The following BIN3 variants were observed in gnomAD, a reference collection of about 807,000 sequenced individuals.
BIN3 encodes bridging integrator 3.
In BIN3, 41 loss-of-function variants were observed where a neutral mutation model predicts 38.2. That is an observed-to-expected ratio of 1.07 (90% CI 0.84 to 1.39). BIN3 has a LOEUF of 1.39. Ranked by LOEUF, BIN3 falls within the 40% of genes most tolerant of loss-of-function variation. The pLI, the probability that BIN3 is intolerant of heterozygous loss-of-function variation, is 0.00. For missense variants in BIN3, 361 were observed against 324.3 expected (o/e 1.11, Z -0.87); for synonymous variants, 145 against 122.6 (o/e 1.18, Z -1.21).
chr8:22,642,299 G>C (rs1044667398), intron 2 of BIN3, among the ~76,000 whole-genome samples: 5 of 134,580 alleles, frequency 3.7e-5, no homozygotes, highest in African/African-American at 1.1e-4. Flanking sequence ...CAGAGATGCT[G>C]AGACAACTGC....
rs2117487214 is a variant in BIN3 at position 22,621,491 on chromosome 8, C to G, written c.693G>C (p.Glu231Asp). The G allele has an allele frequency of 1.2e-6, 2 of 1,613,966 alleles. No homozygotes were observed. The highest frequency in any genetic ancestry group is 1.6e-4 in the Middle Eastern group (1 of 6,062). ...HQLDQPGHSDEQRERENEAKL... is the reference protein window; with the variant it reads ...HQLDQPGHSDDQRERENEAKL... ...TGGCCTCGTTCTCCCGCTCCCGCTGCTCATCGGAGTGGCCTGGCTGGTCAA... is the reference window on the plus strand; with the variant it reads ...TGGCCTCGTTCTCCCGCTCCCGCTGGTCATCGGAGTGGCCTGGCTGGTCAA... Residue 231 changes from glutamate (E) to aspartate (D), a missense_variant, in exon 9 of 9, where the codon GAG becomes GAC. By Grantham distance (45) the Glu-to-Asp change is conservative (BLOSUM62 2). Transcript: ENST00000276416.
At chr8:22,658,070 C>A (rs1009533862) in intron 1 of BIN3, among the ~76,000 whole-genome samples, 1 of 152,238 alleles carries the variant, frequency 6.6e-6, no homozygotes, top group Non-Finnish European at 1.5e-5. Flanking sequence ...CTCCCCAGAG[C>A]GTCTCTGAGT....
intron 6 of BIN3, chr8:22,624,991 T>C: frequency 3.1e-6 from 1 of 317,564 alleles, no homozygotes; most frequent in Non-Finnish European, 5.9e-6. Flanking sequence ...GGGCACCTTC[T>C]CCTTCAAGGG....
chr8:22,621,120 G>A lies in BIN3; in HGVS notation c.*302C>T. ...CCCAACTTAGCCAACGAAGCCCATG[G>A]CCTCAGAAGGGCTGCAGCTTGCTCA... On this transcript the variant is annotated 3_prime_UTR_variant, in exon 9 of 9. Coordinates refer to ENST00000276416, the MANE Select transcript of BIN3 (RefSeq NM_018688.6). 3.0e-6 allele frequency: 1 copy of A among 332,052 alleles called. No individual in the cohort carries two copies. The allele number at this position is 332,052 out of a possible 1,614,324, so 20.6% of individuals were successfully genotyped here.
intron 1 of BIN3, among the ~76,000 whole-genome samples, chr8:22,655,091 A>G (rs369663772): frequency 5.3e-5 from 8 of 152,158 alleles, no homozygotes; most frequent in East Asian, 1.9e-4. Flanking sequence ...GTTCATTTGT[A>G]TATCTTTGGA....
intron 6 of BIN3, among the ~76,000 whole-genome samples, chr8:22,627,267 C>A (rs936609635): frequency 6.6e-5 from 10 of 152,310 alleles, no homozygotes; most frequent in African/African-American, 2.4e-4. Flanking sequence ...TGGGAACTCA[C>A]ATCAGTCAGG....
At chr8:22,634,566 T>C (rs762871808) in intron 4 of BIN3, 2 of 455,838 alleles carry the variant, frequency 4.4e-6, no homozygotes, top group South Asian at 3.1e-5. Flanking sequence ...CTGCCTCTAT[T>C]GGGACATTTC....
At chr8:22,624,099 A>G in intron 7 of BIN3, 50 bp from the exon 8 acceptor site, 1 of 1,223,124 alleles carries the variant, frequency 8.2e-7, no homozygotes. Context: ...TGGGTGCCGG[A>G]TACGGGATGG....
intron 6 of BIN3, among the ~76,000 whole-genome samples, chr8:22,627,930 C>T (rs183919973): frequency 6.6e-6 from 1 of 152,350 alleles, no homozygotes; most frequent in East Asian, 1.9e-4. Flanking sequence ...TTACATTTAT[C>T]CTCAAAGAAG....
At chr8:22,660,484 G>A (rs549695517) in intron 1 of BIN3, among the ~76,000 whole-genome samples, 1 of 152,300 alleles carries the variant, frequency 6.6e-6, no homozygotes, top group East Asian at 1.9e-4. Context: ...ATTATAAAGA[G>A]CTCTCACACT....
At chr8:22,630,328 G>A in intron 5 of BIN3, 114 bp downstream of exon 5, 3 of 1,432,106 alleles carry the variant, frequency 2.1e-6, no homozygotes, top group African/African-American at 1.4e-5. Context: ...GAGGCCAGAG[G>A]GCTTAGAGCC....
intron 1 of BIN3, among the ~76,000 whole-genome samples, chr8:22,665,747 G>C (rs1441874985): frequency 1.3e-5 from 2 of 152,200 alleles, no homozygotes; most frequent in African/African-American, 4.8e-5. Context: ...CCCAGAGTTG[G>C]GCCTCTATCC....
chr8:22,648,461 T>C (rs1433825740), intron 1 of BIN3, among the ~76,000 whole-genome samples: 1 of 152,084 alleles, frequency 6.6e-6, no homozygotes. Context: ...TGGTCAGGCA[T>C]TTTACAGAAT....
intron 7 of BIN3, 41 bp from the exon 8 acceptor site, chr8:22,624,090 G>C: frequency 1.2e-6 from 2 of 1,605,870 alleles, no homozygotes; most frequent in Non-Finnish European, 8.5e-7. Context: ...TCTCACTGCT[G>C]GGTGCCGGAT....
chr8:22,623,025 G>A lies in BIN3; in HGVS notation c.615+890C>T, dbSNP rs1296920204. 2.6e-5 allele frequency among the ~76,000 whole-genome samples: 4 copies of A among 152,200 alleles called. No individual in the cohort carries two copies. In the South Asian group the frequency reaches 6.2e-4, roughly 24 times the overall value. On this transcript the variant is annotated intron_variant, in intron 8 of 8. Coordinates refer to ENST00000276416, the MANE Select transcript of BIN3 (RefSeq NM_018688.6). ...GGCCAGGCTTCACGGCTGCGACTAC[G>A]GGCCTGCAGGAAATGGCCACTGGAG...
intron 4 of BIN3, among the ~76,000 whole-genome samples, chr8:22,635,131 C>T (rs954453004): frequency 6.6e-6 from 1 of 152,196 alleles, no homozygotes; most frequent in Admixed American, 6.5e-5. Flanking sequence ...AGGCCCTCTT[C>T]CCTTGGCTCT....
chr8:22,644,709 T>C (rs771939022), intron 2 of BIN3, 46 bp downstream of exon 2: 3 of 1,578,896 alleles, frequency 1.9e-6, no homozygotes, highest in Non-Finnish European at 2.6e-6. Context: ...GCAAAGGCCA[T>C]GTGATACAGA....
intron 2 of BIN3, among the ~76,000 whole-genome samples, chr8:22,644,315 G>A (rs1425484388): frequency 6.6e-6 from 1 of 152,238 alleles, no homozygotes; most frequent in Non-Finnish European, 1.5e-5. Flanking sequence ...TTTGGAAGTT[G>A]ACACAAACAG....
intron 2 of BIN3, among the ~76,000 whole-genome samples, chr8:22,638,967 G>C (rs1379669572): frequency 2.0e-5 from 3 of 152,230 alleles, no homozygotes. Context: ...TGCTTGATGA[G>C]CATTTAAAGT....
Sources: gnomAD v4.1 joint callset for allele counts (sites outside exome capture counted in the v4.1 genomes callset) on GRCh38, gnomAD v4.1.1 for gene constraint, MANE v1.5 for transcripts, NCBI Gene and HGNC (gene_info 2026-07-23, HGNC 2026-07-21) for gene names.